The following MROH2B variants were observed in gnomAD, a reference collection of about 807,000 sequenced individuals.
MROH2B encodes the protein maestro heat like repeat family member 2B, also known as maestro heat-like repeat-containing protein family member 2B.
In MROH2B, 177 loss-of-function variants were observed where a neutral mutation model predicts 208.6. That is an observed-to-expected ratio of 0.85 (90% CI 0.75 to 0.96). MROH2B has a LOEUF of 0.96. MROH2B is among the 40% of genes least tolerant of loss of function. The pLI is 0.00. For missense variants in MROH2B, 2,002 were observed against 1,878.7 expected (o/e 1.07, Z -1.21); for synonymous variants, 728 against 659.0 (o/e 1.10, Z -1.60).
chr5:41,035,383 C>A (rs1184369068), intron 21 of MROH2B, among the ~76,000 whole-genome samples: 1 of 152,096 alleles, frequency 6.6e-6, no homozygotes, highest in African/African-American at 2.4e-5. Context: ...ACTGGCTAGT[C>A]ATATGCAGAT....
rs774701354 is a variant in MROH2B, at chr5:41,050,995, C to T, written c.1326G>A (p.Leu442=). The part of the protein sequence containing the change: ...SLEVLKTLDP[L]VIGMPQVLWP... The stretch of plus-strand genomic sequence containing the variant: ...CACTTACCTGAGGCATTCCAATGAC[C>T]AGTGGGTCCAGGGTTTTTAAGACCT... The change falls in exon 13 of 42, where the codon CTG becomes CTA. Residue 442 remains leucine (L), a synonymous_variant. Coordinates refer to ENST00000399564, the MANE Select transcript of MROH2B (RefSeq NM_173489.5). 4 of 1,572,222 alleles carry T rather than the reference C, an allele frequency of 2.5e-6. No individual in the cohort carries two copies. The South Asian group carries it at 3.6e-5, about 14-fold the overall frequency.
chr5:41,046,335 A>G (rs1444430938), intron 17 of MROH2B, among the ~76,000 whole-genome samples: 1 of 152,082 alleles, frequency 6.6e-6, no homozygotes, highest in Non-Finnish European at 1.5e-5. Flanking sequence ...TGCAAACTTC[A>G]ACTCTAGTAA....
intron 9 of MROH2B, among the ~76,000 whole-genome samples, chr5:41,056,886 C>G (rs1419691039): frequency 6.6e-6 from 1 of 151,692 alleles, no homozygotes; most frequent in Non-Finnish European, 1.5e-5. Flanking sequence ...TGGACCTATC[C>G]CAGTCGTGGA....
At chr5:41,012,877 A>G (rs1741818532) in intron 29 of MROH2B, 142 bp from the exon 30 acceptor site, 1 of 992,320 alleles carries the variant, frequency 1.0e-6, no homozygotes, top group South Asian at 1.6e-5. Flanking sequence ...CAGAAACTAG[A>G]GAAAATACTA....
rs529335392 is a variant in MROH2B, at chr5:41,040,730, G to A, written c.1954-1175C>T. 2.0e-5 allele frequency among the ~76,000 whole-genome samples: 3 copies of A among 152,134 alleles called. No individual in the cohort carries two copies. In the East Asian group the frequency reaches 5.8e-4, roughly 29 times the overall value. ...CAACCAGGCTGGAGTGCAATGGTGC[G>A]ATCTCGGCTCACTGCAACCTCCCCT... is the stretch of plus-strand genomic sequence containing the variant. On this transcript the variant is annotated intron_variant, in intron 19 of 41. Coordinates refer to ENST00000399564, the MANE Select transcript of MROH2B (RefSeq NM_173489.5).
intron 2 of MROH2B, among the ~76,000 whole-genome samples, chr5:41,068,049 A>G (rs1030092859): frequency 1.3e-5 from 2 of 152,110 alleles, no homozygotes; most frequent in Non-Finnish European, 2.9e-5. Context: ...GTGTGGCTTG[A>G]CTAGATGCCC....
rs1742938160 is a variant in MROH2B at position 41,041,278 on chromosome 5, T to A, written c.1953+814A>T. On this transcript the variant is annotated intron_variant, in intron 19 of 41. Coordinates refer to ENST00000399564, the MANE Select transcript of MROH2B (RefSeq NM_173489.5). ...ACACACTATACTTTTTTTATACTGGTGGTCTTTATCAGCTTGGGAACTATT... is the reference window on the plus strand; with the variant it reads ...ACACACTATACTTTTTTTATACTGGAGGTCTTTATCAGCTTGGGAACTATT... Among the ~76,000 whole-genome samples, 4 of 152,218 alleles carry A rather than the reference T, an allele frequency of 2.6e-5. No homozygotes were observed. The South Asian group carries it at 8.3e-4, about 32-fold the overall frequency.
chr5:41,027,087 A>G (rs10043475), intron 24 of MROH2B, among the ~76,000 whole-genome samples: 10,884 of 152,314 alleles, frequency 0.071, 399 homozygotes, highest in African/African-American at 0.091. Flanking sequence ...TAAAAACCCT[A>G]GAAGAAAACC....
At chr5:41,035,493 TC>T (rs1742726570) in intron 21 of MROH2B, among the ~76,000 whole-genome samples, 1 of 152,078 alleles carries the variant, frequency 6.6e-6, no homozygotes, top group Non-Finnish European at 1.5e-5. Context: ...CCAAAGAGCT[TC>T]TGCACAGCAA....
intron 24 of MROH2B, among the ~76,000 whole-genome samples, chr5:41,028,694 C>T (rs1742463747): frequency 6.6e-6 from 1 of 152,116 alleles, no homozygotes; most frequent in South Asian, 2.1e-4. Context: ...ATCACAATGT[C>T]TTTATCCATT....
Position 41,000,933 on chromosome 5 carries a change from G to C in MROH2B, c.4195-100C>G, listed in dbSNP as rs539319564. On this transcript the variant is annotated intron_variant, in intron 37 of 41. Transcript: ENST00000399564. ...TCCCACCCTTCCCGCTTCAGCAAAA[G>C]AAGGCTGGAACCCAGGCACTTGTCC... 32 of 1,334,652 alleles carry C rather than the reference G, an allele frequency of 2.4e-5. No homozygotes were observed. The South Asian group carries it at 4.6e-4, about 19-fold the overall frequency. The allele number at this position is 1,334,652 out of a possible 1,614,324, so 82.7% of individuals were successfully genotyped here. A position where few individuals can be genotyped will look rare whatever the true frequency, so the allele number is the denominator to read the frequency against.
intron 11 of MROH2B, among the ~76,000 whole-genome samples, chr5:41,053,682 T>C (rs1050020113): frequency 2.6e-5 from 4 of 152,178 alleles, no homozygotes; most frequent in African/African-American, 9.7e-5. Flanking sequence ...GGAGTTGGCC[T>C]TCCTCAAAGA....
intron 24 of MROH2B, among the ~76,000 whole-genome samples, chr5:41,023,452 A>G (rs1306242973): frequency 6.6e-6 from 1 of 152,230 alleles, no homozygotes; most frequent in Middle Eastern, 3.2e-3. Flanking sequence ...GTGATTGAAG[A>G]TCAAATTAAT....
At position 41,000,970 on chromosome 5, in the gene MROH2B, G is replaced by A. The variant is rs976937422; in HGVS notation, c.4195-137C>T. On this transcript the variant is annotated intron_variant, in intron 37 of 41. Transcript: ENST00000399564. ...CCAGGCACTTGTCCATCATAGTCAC[G>A]GCCTCTAAATGTTCCAAGAACTTGC... is the stretch of plus-strand genomic sequence containing the variant. 40 of 965,058 alleles carry A rather than the reference G, an allele frequency of 4.1e-5. 1 individual carries two copies. The highest frequency in any genetic ancestry group is 7.4e-5 in the South Asian group (4 of 54,400). The allele number at this position is 965,058 out of a possible 1,614,324, so 59.8% of individuals were successfully genotyped here. A position where few individuals can be genotyped will look rare whatever the true frequency, so the allele number is the denominator to read the frequency against.
In MROH2B at chr5:41,004,518, T is replaced by C; in HGVS notation, c.4022A>G (p.His1341Arg). Residue 1341 changes from histidine (H) to arginine (R), a missense_variant, in exon 37 of 42, where the codon CAT becomes CGT. Physicochemically the swap from His to Arg is conservative, Grantham distance 29 (BLOSUM62 0). Coordinates refer to ENST00000399564, the MANE Select transcript of MROH2B (RefSeq NM_173489.5). The stretch of plus-strand genomic sequence containing the variant: ...GATAGATTCTAGCATTAACTGCTTA[T>C]GTTTCTTCACCTATTTTGAAATAAG... ...ASGAPHKVKK[H>R]KQLMLESIIR... The C allele has an allele frequency of 1.2e-6, 2 of 1,607,114 alleles. No individual in the cohort carries two copies. The highest frequency in any genetic ancestry group is 2.2e-5 in the East Asian group (1 of 44,852).
At chr5:41,024,672 G>T (rs567251545) in intron 24 of MROH2B, among the ~76,000 whole-genome samples, 10 of 152,264 alleles carry the variant, frequency 6.6e-5, no homozygotes, top group Admixed American at 2.0e-4. Flanking sequence ...ACTCAGCTCT[G>T]CACCAAGCAG....
chr5:41,027,609 G>C (rs837526), intron 24 of MROH2B, among the ~76,000 whole-genome samples: 125,712 of 152,142 alleles, frequency 0.83, 52,171 homozygotes, highest in Middle Eastern at 0.87. Flanking sequence ...AGTAGTTCAA[G>C]CATTGTGGAA....
At chr5:41,000,132 A>AAATTCCTT in intron 39 of MROH2B, 88 bp downstream of exon 39, 2 of 1,548,840 alleles carry the variant, frequency 1.3e-6, no homozygotes, top group Non-Finnish European at 1.7e-6. Context: ...CTCTGGCCAG[A>AAATTCCTT]AATTCCTTGC....
Position 41,052,447 on chromosome 5 carries a change from A to T in MROH2B, c.1230+18T>A. The stretch of plus-strand genomic sequence containing the variant: ...TACTTTTTATAGTGCATCACTCAAA[A>T]CTGTAGCCTCTGCATACCAGATTCC... On this transcript the variant is annotated intron_variant, in intron 12 of 41. Coordinates refer to ENST00000399564, the MANE Select transcript of MROH2B (RefSeq NM_173489.5). The T allele has an allele frequency of 1.9e-6, 3 of 1,604,076 alleles. No homozygotes were observed. Among genetic ancestry groups the T allele is most frequent in the Non-Finnish European group, 2.6e-6 (3 of 1,174,732 alleles).
Sources: gnomAD v4.1 joint callset for allele counts (sites outside exome capture counted in the v4.1 genomes callset) on GRCh38, gnomAD v4.1.1 for gene constraint, MANE v1.5 for transcripts, NCBI Gene and HGNC (gene_info 2026-07-23, HGNC 2026-07-21) for gene names.